Variants in GOLPH3L observed in about 807,000 individuals in gnomAD.
GOLPH3L encodes the protein Golgi phosphoprotein 3-like.
GOLPH3L carries 22 observed loss-of-function variants against 30.3 expected under a neutral mutation model. That is an observed-to-expected ratio of 0.73 (90% confidence interval 0.52 to 1.04). GOLPH3L has a LOEUF of 1.04. Among genes scored for constraint, GOLPH3L ranks in the 50% least tolerant of loss-of-function variants. GOLPH3L has a pLI of 0.00. For missense variants in GOLPH3L, 303 were observed against 345.8 expected (o/e 0.88, Z 0.98); for synonymous variants, 120 against 128.2 (o/e 0.94, Z 0.43).
chr1:150,662,303 G>C (rs1207115986), intron 3 of GOLPH3L, among the ~76,000 whole-genome samples: 3 of 151,916 alleles, frequency 2.0e-5, no homozygotes, highest in Non-Finnish European at 4.4e-5. Flanking sequence ...CCTGAGCTCA[G>C]GAGTTTGAGA....
intron 4 of GOLPH3L, 71 bp downstream of exon 4, chr1:150,661,742 CT>C (rs763737924): frequency 1.3e-5 from 10 of 791,254 alleles, no homozygotes; most frequent in Non-Finnish European, 2.1e-5. Context: ...TTCGGTACAT[CT>C]TTTACTAAAT....
chr1:150,679,316 A>G (rs1650891610), intron 2 of GOLPH3L, among the ~76,000 whole-genome samples: 1 of 152,170 alleles, frequency 6.6e-6, no homozygotes, highest in South Asian at 2.1e-4. Flanking sequence ...AAATCACAGC[A>G]CAGTTTTCTC....
chr1:150,651,264 G>A (rs1002306023), intron 4 of GOLPH3L, among the ~76,000 whole-genome samples: 3 of 152,106 alleles, frequency 2.0e-5, no homozygotes, highest in Non-Finnish European at 4.4e-5. Flanking sequence ...AATGAGCTGA[G>A]ATAGTGCCAC....
At chr1:150,661,959 A>G (rs1571038727) in intron 3 of GOLPH3L, 31 bp from the exon 4 acceptor site, 25 of 899,460 alleles carry the variant, frequency 2.8e-5, no homozygotes, top group Non-Finnish European at 4.0e-5. Flanking sequence ...AGGAACCCTG[A>G]TTCCTTCACT....
intron 2 of GOLPH3L, among the ~76,000 whole-genome samples, chr1:150,692,899 T>A (rs147876082): frequency 6.0e-4 from 92 of 152,322 alleles, no homozygotes; most frequent in African/African-American, 2.1e-3. Context: ...ACAAACCAAA[T>A]AGCTTTTAGT....
chr1:150,658,822 C>T (rs867953891), intron 4 of GOLPH3L, among the ~76,000 whole-genome samples: 20 of 152,112 alleles, frequency 1.3e-4, no homozygotes, highest in African/African-American at 2.4e-4. Context: ...TGATATGGCC[C>T]GCTGTAGGAG....
At chr1:150,651,217 G>A (rs1650096779) in intron 4 of GOLPH3L, among the ~76,000 whole-genome samples, 1 of 152,220 alleles carries the variant, frequency 6.6e-6, no homozygotes, top group Admixed American at 6.5e-5. Flanking sequence ...AGGAGGCTGA[G>A]GCAGAGAATC....
chr1:150,693,488 G>C (rs1007608391), intron 2 of GOLPH3L, among the ~76,000 whole-genome samples: 2 of 151,968 alleles, frequency 1.3e-5, no homozygotes, highest in South Asian at 2.1e-4. Context: ...GGTGGGCGAG[G>C]GGGGGCGGTT....
intron 3 of GOLPH3L, among the ~76,000 whole-genome samples, chr1:150,662,484 G>A (rs1650391820): frequency 6.6e-6 from 1 of 152,166 alleles, no homozygotes; most frequent in Non-Finnish European, 1.5e-5. Context: ...TAAATGATAT[G>A]GGATAGCCAA....
chr1:150,668,922 A>G (rs1056185568), intron 2 of GOLPH3L, among the ~76,000 whole-genome samples: 3 of 152,154 alleles, frequency 2.0e-5, no homozygotes, highest in Admixed American at 6.5e-5. Flanking sequence ...CCTCCTGACC[A>G]TGTAACTTCT....
chr1:150,687,067 G>A (rs587770853), intron 2 of GOLPH3L, among the ~76,000 whole-genome samples: 4 of 151,974 alleles, frequency 2.6e-5, no homozygotes, highest in Non-Finnish European at 5.9e-5. Flanking sequence ...TTCATTTTGC[G>A]CGATTAGGAA....
chr1:150,661,866 G>T lies in GOLPH3L; in HGVS notation c.378C>A (p.Ile126=). ...CAGTTTCTGTGGGTTCAGTTGCTTTGATGTGTTTCAGAGTTTCATCCAGTA... is the reference window on the plus strand; with the variant it reads ...CAGTTTCTGTGGGTTCAGTTGCTTTTATGTGTTTCAGAGTTTCATCCAGTA... The part of the protein sequence containing the change: ...DVLLDETLKH[I]KATEPTETVQ... The change falls in exon 4 of 5, where the codon ATC becomes ATA. Residue 126 remains isoleucine (I), a synonymous_variant. Transcript: ENST00000271732. The T allele has an allele frequency of 1.2e-6, 2 of 1,600,772 alleles. No individual in the cohort carries two copies. Among genetic ancestry groups the T allele is most frequent in the Non-Finnish European group, 1.7e-6 (2 of 1,167,850 alleles).
At chr1:150,664,033 T>C (rs1480276104) in intron 2 of GOLPH3L, among the ~76,000 whole-genome samples, 1 of 152,028 alleles carries the variant, frequency 6.6e-6, no homozygotes, top group Non-Finnish European at 1.5e-5. Context: ...GGGTCTCGCT[T>C]TTTCCCCCAG....
chr1:150,665,080 A>G (rs1650466476), intron 2 of GOLPH3L, among the ~76,000 whole-genome samples: 2 of 152,128 alleles, frequency 1.3e-5, no homozygotes, highest in African/African-American at 4.8e-5. Flanking sequence ...TATACTAGAT[A>G]TGTGCTAATA....
chr1:150,649,251 G>C (rs1272787067), intron 4 of GOLPH3L, among the ~76,000 whole-genome samples: 4 of 152,192 alleles, frequency 2.6e-5, no homozygotes, highest in Admixed American at 2.6e-4. Context: ...GGCAAGTCAA[G>C]AAGACCAGGG....
At chr1:150,661,590 T>C (rs1187419549) in intron 4 of GOLPH3L, among the ~76,000 whole-genome samples, 1 of 152,238 alleles carries the variant, frequency 6.6e-6, no homozygotes, top group East Asian at 1.9e-4. Context: ...TTGTGAAGAA[T>C]ACTATTTAAG....
At chr1:150,695,754 T>C (rs587755918) in intron 1 of GOLPH3L, among the ~76,000 whole-genome samples, 2 of 152,304 alleles carry the variant, frequency 1.3e-5, no homozygotes, top group African/African-American at 2.4e-5. Flanking sequence ...GTCTAGACGA[T>C]AACATTCAGA....
At chr1:150,649,625 CTG>C (rs1230045368) in intron 4 of GOLPH3L, among the ~76,000 whole-genome samples, 1 of 152,172 alleles carries the variant, frequency 6.6e-6, no homozygotes, top group East Asian at 1.9e-4. Flanking sequence ...GTTGGGAAGA[CTG>C]TGTGCTTGCA....
At position 150,663,740 on chromosome 1, in the gene GOLPH3L, G is replaced by A. The variant is rs1650429696; in HGVS notation, c.207C>T (p.Asp69=). The A allele has an allele frequency of 6.2e-7, 1 of 1,613,462 alleles. No individual in the cohort carries two copies. The highest frequency in any genetic ancestry group is 1.7e-5 in the Admixed American group (1 of 59,990). ...DKEGYTSFWN[D]CISSGLRGGI... The stretch of plus-strand genomic sequence containing the variant: ...CCCCTCGCAGGCCTGATGATATGCA[G>A]TCATTCCAGAAAGATGTGTACCCCT... The change falls in exon 3 of 5, where the codon GAC becomes GAT. Residue 69 remains aspartate, a synonymous_variant. Transcript: ENST00000271732.
Sources: allele counts gnomAD v4.1 joint callset (sites outside exome capture counted in the v4.1 genomes callset), GRCh38; gene constraint gnomAD v4.1.1; transcripts MANE v1.5; gene names NCBI Gene and HGNC (gene_info 2026-07-23, HGNC 2026-07-21).